The following CEP112 variants were observed in gnomAD, a reference collection of about 807,000 sequenced individuals.
CEP112 encodes centrosomal protein of 112 kDa.
A neutral mutation model predicts 153.0 loss-of-function variants in CEP112; 127 were observed. The observed-to-expected ratio is 0.83, with a 90% CI of 0.72 to 0.96. CEP112 has a LOEUF of 0.96. Ranked by LOEUF, CEP112 falls within the 40% of genes least tolerant of loss-of-function variation. The pLI is 0.00. For synonymous variants in CEP112, 358 were observed against 374.4 expected (o/e 0.96, Z 0.51); for missense variants, 1,089 against 1,101.2 (o/e 0.99, Z 0.16).
chr17:65,974,805 C>T (rs2062971618), intron 17 of CEP112, among the ~76,000 whole-genome samples: 1 of 152,100 alleles, frequency 6.6e-6, no homozygotes, highest in Non-Finnish European at 1.5e-5. Context: ...CAGAAATGAT[C>T]AACTAGAGAC....
chr17:66,031,313 T>C (rs1243733259), intron 12 of CEP112, among the ~76,000 whole-genome samples: 5 of 150,618 alleles, frequency 3.3e-5, no homozygotes, highest in Non-Finnish European at 7.4e-5. Context: ...TATTCCTTCG[T>C]CTCTTGGAAA....
At chr17:66,091,112 C>T (rs1433064891) in intron 8 of CEP112, among the ~76,000 whole-genome samples, 1 of 151,994 alleles carries the variant, frequency 6.6e-6, no homozygotes, top group Non-Finnish European at 1.5e-5. Context: ...ACAATTTCAG[C>T]AACGGACGGG....
chr17:65,895,131 G>A (rs2059614565), intron 20 of CEP112, among the ~76,000 whole-genome samples: 1 of 151,966 alleles, frequency 6.6e-6, no homozygotes. Context: ...CTATGAGTTG[G>A]GCAATTTATT....
chr17:65,868,949 G>T (rs2058566107), intron 20 of CEP112, among the ~76,000 whole-genome samples: 1 of 152,102 alleles, frequency 6.6e-6, no homozygotes, highest in Non-Finnish European at 1.5e-5. Context: ...TTTTTATAGG[G>T]CTCAAATTTG....
intron 20 of CEP112, among the ~76,000 whole-genome samples, chr17:65,859,161 T>C (rs4791116): frequency 0.87 from 132,133 of 152,160 alleles, 57,573 homozygotes; most frequent in East Asian, 0.94. Flanking sequence ...GAAAAAACAT[T>C]GGCCAGGTGC....
chr17:65,948,322 T>C (rs186527810), intron 18 of CEP112, among the ~76,000 whole-genome samples: 124 of 152,278 alleles, frequency 8.1e-4, no homozygotes, highest in African/African-American at 2.8e-3. Context: ...GCCAGATATT[T>C]AGCAGCAAAT....
intron 15 of CEP112, 48 bp downstream of exon 15, chr17:66,028,265 A>G: frequency 8.6e-7 from 1 of 1,167,112 alleles, no homozygotes; most frequent in East Asian, 2.4e-5. Flanking sequence ...CTGAATCAAG[A>G]AAACTGTGTT....
Position 66,069,899 on chromosome 17 carries a change from G to A in CEP112, c.855+16C>T, listed in dbSNP as rs763420573. On this transcript the variant is annotated intron_variant, in intron 9 of 26. Transcript: ENST00000535342. ...TTAGTGTTCAATATAATTAAAACAC[G>A]AGATATATATCCTACCTTCTGAACA... 19 of 1,447,160 alleles carry A rather than the reference G, an allele frequency of 1.3e-5. No homozygotes were observed. Among genetic ancestry groups the A allele is most frequent in the African/African-American group, 2.8e-5 (2 of 70,852 alleles). 89.6% of individuals were successfully genotyped at this position (1,447,160 alleles called of 1,614,324 possible).
chr17:66,035,815 C>G (rs2065714731), intron 12 of CEP112, among the ~76,000 whole-genome samples: 1 of 152,078 alleles, frequency 6.6e-6, no homozygotes, highest in Non-Finnish European at 1.5e-5. Flanking sequence ...AGAAACATAC[C>G]AGGAAAACCA....
chr17:66,179,776 G>T (rs1598506832), intron 2 of CEP112, among the ~76,000 whole-genome samples: 2 of 152,130 alleles, frequency 1.3e-5, no homozygotes, highest in African/African-American at 4.8e-5. Flanking sequence ...AGATCTTAAA[G>T]GAAAGGCTTT....
intron 20 of CEP112, among the ~76,000 whole-genome samples, chr17:65,874,045 A>G (rs1468739534): frequency 6.6e-6 from 1 of 152,198 alleles, no homozygotes; most frequent in Non-Finnish European, 1.5e-5. Flanking sequence ...TCAGAAAACC[A>G]TTATATGTAT....
intron 21 of CEP112, among the ~76,000 whole-genome samples, chr17:65,836,085 T>C (rs1411041035): frequency 6.6e-6 from 1 of 152,194 alleles, no homozygotes; most frequent in African/African-American, 2.4e-5. Context: ...ATGTTTTTTG[T>C]AAGCCTCGTG....
intron 25 of CEP112, among the ~76,000 whole-genome samples, chr17:65,639,436 G>A (rs2143262903): frequency 6.6e-6 from 1 of 152,182 alleles, no homozygotes; most frequent in Admixed American, 6.5e-5. Context: ...CTTGCAAAAT[G>A]AGGCTGAGGT....
At chr17:65,880,877 C>T (rs1473300106) in intron 20 of CEP112, among the ~76,000 whole-genome samples, 1 of 152,086 alleles carries the variant, frequency 6.6e-6, no homozygotes, top group Non-Finnish European at 1.5e-5. Flanking sequence ...TTATTAATTC[C>T]AAAATGAACT....
intron 5 of CEP112, among the ~76,000 whole-genome samples, chr17:66,131,694 T>C (rs1180399467): frequency 6.6e-6 from 1 of 151,754 alleles, no homozygotes; most frequent in East Asian, 1.9e-4. Flanking sequence ...TGAGCCGAGA[T>C]CATGCAGGTG....
At chr17:65,994,018 GA>G (rs11306856) in intron 17 of CEP112, among the ~76,000 whole-genome samples, 115,137 of 145,818 alleles carry the variant, frequency 0.79, 45,899 homozygotes, top group East Asian at 0.86. Flanking sequence ...CGGTTCATAG[GA>G]AAAAAAAAAA....
At chr17:66,094,489 T>C (rs1304301867) in intron 8 of CEP112, among the ~76,000 whole-genome samples, 1 of 152,022 alleles carries the variant, frequency 6.6e-6, no homozygotes, top group East Asian at 1.9e-4. Context: ...TCTCACACCA[T>C]ATACAAAAAT....
chr17:65,715,037 A>T (rs1041808593), intron 23 of CEP112, among the ~76,000 whole-genome samples: 1 of 152,072 alleles, frequency 6.6e-6, no homozygotes, highest in Admixed American at 6.6e-5. Context: ...TCCAGGGGAG[A>T]AGTAGTAAGT....
chr17:65,993,554 C>A (rs967432481), intron 17 of CEP112, among the ~76,000 whole-genome samples: 3 of 152,058 alleles, frequency 2.0e-5, no homozygotes, highest in Non-Finnish European at 4.4e-5. Flanking sequence ...ATGTTCATTG[C>A]AGCACTATTA....
Sources: gnomAD v4.1 joint callset for allele counts (sites outside exome capture counted in the v4.1 genomes callset) on GRCh38, gnomAD v4.1.1 for gene constraint, MANE v1.5 for transcripts, NCBI Gene and HGNC (gene_info 2026-07-23, HGNC 2026-07-21) for gene names.